The following ADAP1 variants were observed in gnomAD, a reference collection of about 807,000 sequenced individuals.
ADAP1 encodes ArfGAP with dual PH domains 1.
A neutral mutation model predicts 54.9 loss-of-function variants in ADAP1; 31 were observed. The observed-to-expected ratio is 0.56, with a 90% CI of 0.42 to 0.76. The LOEUF (loss-of-function observed/expected upper bound fraction) is 0.76. ADAP1 is among the 30% of genes least tolerant of loss of function. ADAP1 has a pLI of 0.00. For synonymous variants in ADAP1, 313 were observed against 202.6 expected, an observed-to-expected ratio of 1.55 and a Z score of -4.63; for missense variants, 535 against 512.4, an observed-to-expected ratio of 1.04 and a Z score of -0.42.
intron 1 of ADAP1, among the ~76,000 whole-genome samples, chr7:940,297 G>A (rs375540544): frequency 7.4e-5 from 11 of 149,216 alleles, no homozygotes; most frequent in Non-Finnish European, 1.3e-4. Context: ...GAGATGGCAC[G>A]ACTACACTCC....
chr7:910,575 G>C (rs553065381), intron 4 of ADAP1, among the ~76,000 whole-genome samples: 4 of 152,340 alleles, frequency 2.6e-5, no homozygotes, highest in Admixed American at 1.3e-4. Context: ...GGATTTGTCA[G>C]AGCTGGGACT....
chr7:940,576 A>G (rs1044439761), intron 1 of ADAP1, among the ~76,000 whole-genome samples: 2 of 152,184 alleles, frequency 1.3e-5, no homozygotes, highest in Admixed American at 1.3e-4. Flanking sequence ...ATACAGAGCA[A>G]GTGGAACTCT....
chr7:952,122 T>C (rs1056526640), intron 1 of ADAP1, among the ~76,000 whole-genome samples: 4 of 151,890 alleles, frequency 2.6e-5, no homozygotes, highest in Non-Finnish European at 5.9e-5. Context: ...AGGCCTGTGA[T>C]GAGAGGCTCT....
intron 5 of ADAP1, 88 bp downstream of exon 5, chr7:904,972 G>A (rs1217883344): frequency 1.7e-6 from 2 of 1,179,008 alleles, no homozygotes; most frequent in East Asian, 2.4e-5. Context: ...GGCAGCTGCG[G>A]ATGGACGCGG....
chr7:906,747 A>ACG (rs1845450537), intron 4 of ADAP1, among the ~76,000 whole-genome samples: 1 of 24,444 alleles, frequency 4.1e-5, no homozygotes, highest in African/African-American at 1.6e-4. Flanking sequence ...CAGAGTACAT[A>ACG]GGGGACATGG....
chr7:900,723 C>G, intron 6 of ADAP1, 107 bp from the exon 7 acceptor site: 1 of 952,502 alleles, frequency 1.0e-6, no homozygotes, highest in Non-Finnish European at 1.6e-6. Context: ...CAGAGCCCAG[C>G]CCCTTCCTCC....
intron 4 of ADAP1, among the ~76,000 whole-genome samples, chr7:910,043 C>T (rs551029947): frequency 9.9e-5 from 15 of 151,338 alleles, no homozygotes; most frequent in Middle Eastern, 6.9e-3. Flanking sequence ...CCATGACCCA[C>T]GAGAACGGCA....
chr7:898,681 T>C lies in ADAP1; in HGVS notation c.*240A>G. 2 of 582,278 alleles carry C rather than the reference T, an allele frequency of 3.4e-6. No homozygotes were observed. Among genetic ancestry groups the C allele is most frequent in the Non-Finnish European group, 6.1e-6 (2 of 328,310 alleles). The allele number at this position is 582,278 out of a possible 1,614,324, so 36.1% of individuals were successfully genotyped here. On this transcript the variant is annotated 3_prime_UTR_variant, in exon 11 of 11. Coordinates refer to ENST00000265846, the MANE Select transcript of ADAP1 (RefSeq NM_006869.4). The stretch of plus-strand genomic sequence containing the variant: ...CCGGGTCAGGGAGGGGCAGGTTGGC[T>C]GGGTGTGGTCAGCAGCAGCATGACG...
chr7:930,904 TG>T (rs1846553344), intron 2 of ADAP1, among the ~76,000 whole-genome samples: 1 of 148,882 alleles, frequency 6.7e-6, no homozygotes, highest in South Asian at 2.1e-4. Context: ...CACTTGAGCC[TG>T]AAAGTTCAAG....
chr7:936,405 C>G (rs950906914), intron 1 of ADAP1, among the ~76,000 whole-genome samples: 52 of 152,286 alleles, frequency 3.4e-4, no homozygotes, highest in African/African-American at 1.2e-3. Context: ...GTTGGCCAGG[C>G]TGGCCTCGAA....
chr7:906,222 A>AG (rs1198707207), intron 4 of ADAP1, among the ~76,000 whole-genome samples: 1 of 7,646 alleles, frequency 1.3e-4, no homozygotes, highest in African/African-American at 1.4e-3. Flanking sequence ...GGAGAAAGGG[A>AG]AAGGAGAAAG....
rs1352887656 is a variant in ADAP1 at position 920,777 on chromosome 7, GACTC to G, written c.306-731_306-728del. 6.5e-7 allele frequency: 1 copy of G among 1,548,894 alleles called. No individual in the cohort carries two copies. The highest frequency in any genetic ancestry group is 8.7e-7 in the Non-Finnish European group (1 of 1,146,166). On this transcript the variant is annotated intron_variant, in intron 3 of 10. Coordinates refer to ENST00000265846, the MANE Select transcript of ADAP1 (RefSeq NM_006869.4). This position sits in a 1 kb window ranked among gnomAD's most constrained non-coding sequence, Gnocchi z 4.5. The stretch of plus-strand genomic sequence containing the variant: ...CCACCACGGCCTCCCCATCCACCGT[GACTC>G]ACTCGAGTGAAGCCAATACCATTGC...
chr7:902,389 C>A (rs1433032254), intron 6 of ADAP1, among the ~76,000 whole-genome samples: 1 of 119,400 alleles, frequency 8.4e-6, no homozygotes, highest in Non-Finnish European at 1.8e-5. Context: ...ACCAGGGAGG[C>A]AAAGGTTGCA....
chr7:899,731 G>A (rs964566422), intron 8 of ADAP1, among the ~76,000 whole-genome samples: 2 of 152,018 alleles, frequency 1.3e-5, no homozygotes, highest in Non-Finnish European at 2.9e-5. Context: ...CCAGATGGGG[G>A]CCCAGGCCTC....
At chr7:905,790 GGAGAAAGGAGAAA>G (rs1845225441) in intron 4 of ADAP1, among the ~76,000 whole-genome samples, 5 of 95,298 alleles carry the variant, frequency 5.2e-5, no homozygotes, top group African/African-American at 1.4e-4. Flanking sequence ...AAAGGAGAAA[GGAGAAAGGAGAAA>G]GGAGAAAGGA....
intron 4 of ADAP1, among the ~76,000 whole-genome samples, chr7:906,106 G>GGGAGAAA (rs1845285144): frequency 4.2e-4 from 1 of 2,376 alleles, no homozygotes. Context: ...AAAGGAGAAA[G>GGGAGAAA]GGAGAAAGGA....
intron 3 of ADAP1, chr7:923,249 G>A (rs887074531): frequency 1.3e-5 from 2 of 152,062 alleles, no homozygotes; most frequent in South Asian, 2.1e-4. Flanking sequence ...GTCCAGCCCG[G>A]ACACCTGCTC....
chr7:928,570 C>T (rs1328974125), intron 2 of ADAP1, among the ~76,000 whole-genome samples: 1 of 152,196 alleles, frequency 6.6e-6, no homozygotes, highest in Non-Finnish European at 1.5e-5. Context: ...GACATTTCTC[C>T]AAAGAAGATG....
intron 4 of ADAP1, 129 bp from the exon 5 acceptor site, chr7:905,301 GGGGAGACGGACGGGGA>G (rs1487054289): frequency 8.1e-6 from 4 of 491,264 alleles, no homozygotes; most frequent in Admixed American, 2.9e-5. Flanking sequence ...ACACGGACAG[GGGGAGACGGACGGGGA>G]GAGGGGACAT....
Sources: gnomAD v4.1 joint callset for allele counts (sites outside exome capture counted in the v4.1 genomes callset) on GRCh38, gnomAD v4.1.1 for gene constraint, Gnocchi (gnomAD v3.1) non-coding constraint, MANE v1.5 for transcripts, NCBI Gene and HGNC (gene_info 2026-07-23, HGNC 2026-07-21) for gene names.